ANKS1A: variants seen among roughly 807,000 people sequenced by gnomAD.
ANKS1A encodes ankyrin repeat and SAM domain-containing protein 1A.
In ANKS1A, 55 loss-of-function variants were observed where a neutral mutation model predicts 120.3. The ratio of observed to expected loss-of-function variants is 0.46; its 90% confidence interval spans 0.37 to 0.57. The LOEUF is 0.57. Ranked by LOEUF, ANKS1A falls within the 20% of genes least tolerant of loss-of-function variation. The probability of loss-of-function intolerance (pLI) is 0.00; values close to 1 mark genes in which losing one functional copy is unlikely to be tolerated. For missense variants in ANKS1A, 1,123 were observed against 1,480.3 expected (o/e 0.76, Z 3.96); for synonymous variants, 590 against 604.7 (o/e 0.98, Z 0.36).
chr6:34,946,537 G>A (rs371615968), intron 1 of ANKS1A, among the ~76,000 whole-genome samples: 22 of 151,404 alleles, frequency 1.5e-4, no homozygotes, highest in African/African-American at 2.4e-4. Flanking sequence ...GCAGTGAGCC[G>A]AGATTGTGCT....
chr6:34,958,565 C>G (rs1770483311), intron 1 of ANKS1A, among the ~76,000 whole-genome samples: 1 of 152,168 alleles, frequency 6.6e-6, no homozygotes, highest in Admixed American at 6.5e-5. Context: ...TCCCAGCTGT[C>G]AACAGAAGGA....
chr6:34,931,077 C>T (rs1349805557), intron 1 of ANKS1A, among the ~76,000 whole-genome samples: 5 of 151,392 alleles, frequency 3.3e-5, no homozygotes, highest in Non-Finnish European at 7.4e-5. Context: ...CAGGGTTTCT[C>T]CATGTTGGTC....
intron 6 of ANKS1A, 54 bp from the exon 7 acceptor site, chr6:34,983,270 C>CTT: frequency 6.2e-7 from 1 of 1,609,544 alleles, no homozygotes; most frequent in Non-Finnish European, 8.5e-7. Flanking sequence ...TGAACCAAGG[C>CTT]ATTTGTATTT....
chr6:35,038,958 A>C (rs1775316112), intron 11 of ANKS1A, among the ~76,000 whole-genome samples: 1 of 152,102 alleles, frequency 6.6e-6, no homozygotes. Context: ...CCCCTCACCT[A>C]GTTTCTGCCC....
At position 34,982,683 on chromosome 6, in the gene ANKS1A, C is replaced by A; in HGVS notation, c.733-69C>A. ...TTGTGTCCCTTCTTGTCTGTGTCCC[C>A]TTTGTCACGTGAAGCCGCACCAAAC... is the stretch of plus-strand genomic sequence containing the variant. On this transcript the variant is annotated intron_variant, in intron 4 of 23. Coordinates refer to ENST00000360359, the MANE Select transcript of ANKS1A (RefSeq NM_015245.3). The surrounding 1 kb of genome is among the most constrained non-coding windows in gnomAD (Gnocchi z 4.9). 6.8e-7 allele frequency: 1 copy of A among 1,478,760 alleles called. No homozygotes were observed. Among genetic ancestry groups the A allele is most frequent in the Non-Finnish European group, 9.5e-7 (1 of 1,056,900 alleles). The allele number at this position is 1,478,760 out of a possible 1,614,324, so 91.6% of individuals were successfully genotyped here. A position where few individuals can be genotyped will look rare whatever the true frequency, so the allele number is the denominator to read the frequency against.
In ANKS1A at chr6:35,067,459, T is replaced by C. The variant is rs553270888; in HGVS notation, c.2184+7206T>C. The stretch of plus-strand genomic sequence containing the variant: ...TGGGGACTGCATAAACCACCTGTAG[T>C]AGCGGCCGGCCAGCATTAGCAAAGG... On this transcript the variant is annotated intron_variant, in intron 13 of 23. Coordinates refer to ENST00000360359, the MANE Select transcript of ANKS1A (RefSeq NM_015245.3). Among the ~76,000 whole-genome samples the C allele has an allele frequency of 1.2e-4, 19 of 152,290 alleles. No individual in the cohort carries two copies. The East Asian group carries it at 3.5e-3, about 28-fold the overall frequency.
intron 1 of ANKS1A, among the ~76,000 whole-genome samples, chr6:34,945,912 C>T (rs1423648370): frequency 6.6e-6 from 1 of 151,460 alleles, no homozygotes; most frequent in Non-Finnish European, 1.5e-5. Context: ...GATGGCTTCT[C>T]TTTTTCTTTT....
intron 11 of ANKS1A, among the ~76,000 whole-genome samples, chr6:35,045,712 T>C (rs1426231104): frequency 1.3e-5 from 2 of 152,212 alleles, no homozygotes; most frequent in Non-Finnish European, 2.9e-5. Context: ...TTTCTCATGT[T>C]TGCTTTTCTC....
intron 1 of ANKS1A, among the ~76,000 whole-genome samples, chr6:34,955,350 T>C (rs1770306376): frequency 6.6e-6 from 1 of 152,166 alleles, no homozygotes; most frequent in South Asian, 2.1e-4. Context: ...TTGGCCAGGC[T>C]GGTCTCGAAC....
At chr6:35,012,877 C>T (rs148315349) in intron 10 of ANKS1A, among the ~76,000 whole-genome samples, 101 of 152,230 alleles carry the variant, frequency 6.6e-4, no homozygotes, top group African/African-American at 2.2e-3. Flanking sequence ...CTCCTTGTTT[C>T]TCTCCTAGAA....
At chr6:35,005,418 A>G (rs1773398389) in intron 10 of ANKS1A, among the ~76,000 whole-genome samples, 1 of 152,240 alleles carries the variant, frequency 6.6e-6, no homozygotes, top group South Asian at 2.1e-4. Context: ...TAGTGGAAAC[A>G]CTTTGTGTAA....
At chr6:35,094,961 G>A (rs1036072296), downstream of ANKS1A, among the ~76,000 whole-genome samples, 6 of 151,504 alleles carry the variant, frequency 4.0e-5, no homozygotes, top group African/African-American at 1.5e-4. Context: ...GCAACATAGT[G>A]GGACCCTGTC....
chr6:34,927,933 G>A (rs1403613958), intron 1 of ANKS1A, among the ~76,000 whole-genome samples: 1 of 152,150 alleles, frequency 6.6e-6, no homozygotes, highest in Non-Finnish European at 1.5e-5. Context: ...CTTTTGGGCT[G>A]CAGTTTGAAT....
intron 1 of ANKS1A, among the ~76,000 whole-genome samples, chr6:34,923,423 C>A (rs1209641468): frequency 6.6e-6 from 1 of 152,056 alleles, no homozygotes; most frequent in East Asian, 1.9e-4. Flanking sequence ...AACGGAAGAA[C>A]CTGATGGAAA....
intron 12 of ANKS1A, among the ~76,000 whole-genome samples, chr6:35,055,763 A>G (rs1465102071): frequency 6.6e-6 from 1 of 152,186 alleles, no homozygotes; most frequent in Non-Finnish European, 1.5e-5. Context: ...CTCCAGCAGC[A>G]ATGTTTCCCT....
At chr6:34,936,707 G>A (rs1367278119) in intron 1 of ANKS1A, among the ~76,000 whole-genome samples, 1 of 152,038 alleles carries the variant, frequency 6.6e-6, no homozygotes, top group Admixed American at 6.6e-5. Flanking sequence ...AAGGATATTC[G>A]GTTTCCTCAC....
intron 15 of ANKS1A, 48 bp downstream of exon 15, chr6:35,079,716 C>A: frequency 6.2e-7 from 1 of 1,613,444 alleles, no homozygotes; most frequent in Non-Finnish European, 8.5e-7. Context: ...GAAGTCTGAG[C>A]TTCCCTTAGG....
rs1778241353 is a variant in ANKS1A at position 35,090,455 on chromosome 6, CTGT to C, written c.*1847_*1849del. The C allele has an allele frequency of 2.6e-6, 3 of 1,170,874 alleles. No individual in the cohort carries two copies. The highest frequency in any genetic ancestry group is 3.2e-6 in the Non-Finnish European group (3 of 931,480). 72.5% of individuals were successfully genotyped at this position (1,170,874 alleles called of 1,614,324 possible). On this transcript the variant is annotated 3_prime_UTR_variant, in exon 24 of 24. Transcript: ENST00000360359. ...CAGACACTACGATGCACTCCTCAAGCTGTCTTTTGTGCTTAGATCATCCATAGG... is the reference window on the plus strand; with the variant it reads ...CAGACACTACGATGCACTCCTCAAGCCTTTTGTGCTTAGATCATCCATAGG...
rs1197786559 is a variant in ANKS1A at position 34,946,993 on chromosome 6, C to A, written c.198-20246C>A. 4.6e-5 allele frequency among the ~76,000 whole-genome samples: 7 copies of A among 152,190 alleles called. 1 individual carries two copies. In the East Asian group the frequency reaches 9.6e-4, roughly 21 times the overall value. On this transcript the variant is annotated intron_variant, in intron 1 of 23. Coordinates refer to ENST00000360359, the MANE Select transcript of ANKS1A (RefSeq NM_015245.3). ...TTCTCATGCTAACTCTGTGTGCTTG[C>A]ACAAGTGACTTCACCTTTCTGAGCA... is the stretch of plus-strand genomic sequence containing the variant.
Sources: gnomAD v4.1 joint callset for allele counts (sites outside exome capture counted in the v4.1 genomes callset) on GRCh38, gnomAD v4.1.1 for gene constraint, Gnocchi (gnomAD v3.1) non-coding constraint, MANE v1.5 for transcripts, NCBI Gene and HGNC (gene_info 2026-07-23, HGNC 2026-07-21) for gene names.